The following LRRK2 variants were observed in gnomAD, a reference collection of about 807,000 sequenced individuals.
LRRK2 encodes the protein leucine-rich repeat serine/threonine-protein kinase 2.
A neutral mutation model predicts 302.6 loss-of-function variants in LRRK2; 203 were observed. That is an observed-to-expected ratio of 0.67 (90% CI 0.60 to 0.75). The LOEUF is 0.75. Ranked by LOEUF, LRRK2 falls within the 30% of genes least tolerant of loss-of-function variation. The pLI is 0.00. For missense variants in LRRK2, 2,830 were observed against 2,951.0 expected (o/e 0.96, Z 0.95); for synonymous variants, 1,066 against 1,031.9 (o/e 1.03, Z -0.63).
Position 40,295,484 on chromosome 12 carries a change from C to T in LRRK2, c.2936C>T (p.Ser979Phe), listed in dbSNP as rs1427858582. 6.2e-7 allele frequency: 1 copy of T among 1,613,800 alleles called. No individual in the cohort carries two copies. The highest frequency in any genetic ancestry group is 1.1e-5 in the South Asian group (1 of 91,088). The change falls in exon 23 of 51, where the codon TCT (serine) becomes TTT (phenylalanine). Residue 979 changes from serine (S) to phenylalanine (F), a missense_variant. By Grantham distance (155) the Ser-to-Phe change is radical. Around this residue, in one of 3 missense-constraint regions of LRRK2, gnomAD observed 2,121 missense variants for 2,148.0 expected, o/e 0.99. Transcript: ENST00000298910. ...TCAGACAGCATTTCTTCTCTGGCTTCTGAGAGAGAATATATTACATCACTA... is the reference window on the plus strand; with the variant it reads ...TCAGACAGCATTTCTTCTCTGGCTTTTGAGAGAGAATATATTACATCACTA... ...RHSDSISSLA[S>F]EREYITSLDL...
chr12:40,305,720 G>A lies in LRRK2; in HGVS notation c.3778-65G>A, dbSNP rs1002102609. ...GTGAGCCTTTCTTGTTTCTTATCAC[G>A]TTTTTTGGCAGAGCACATTTCTTCC... On this transcript the variant is annotated intron_variant, in intron 27 of 50. Coordinates refer to ENST00000298910, the MANE Select transcript of LRRK2 (RefSeq NM_198578.4). The A allele has an allele frequency of 6.3e-6, 9 of 1,420,014 alleles. No individual in the cohort carries two copies. The East Asian group carries it at 6.8e-5, about 11-fold the overall frequency. 88.0% of individuals were successfully genotyped at this position (1,420,014 alleles called of 1,614,324 possible).
intron 43 of LRRK2, among the ~76,000 whole-genome samples, chr12:40,350,567 T>A (rs1198182473): frequency 6.6e-6 from 1 of 152,232 alleles, no homozygotes; most frequent in Non-Finnish European, 1.5e-5. Flanking sequence ...ATGTGGGTTA[T>A]CTTTATGTTG....
chr12:40,311,079 T>G (rs1490966408), intron 31 of LRRK2, among the ~76,000 whole-genome samples: 1 of 152,130 alleles, frequency 6.6e-6, no homozygotes, highest in Non-Finnish European at 1.5e-5. Context: ...AATTCCTGTT[T>G]TATGGACATC....
At chr12:40,337,614 T>C (rs1292708034) in intron 40 of LRRK2, among the ~76,000 whole-genome samples, 1 of 152,162 alleles carries the variant, frequency 6.6e-6, no homozygotes, top group Non-Finnish European at 1.5e-5. Flanking sequence ...TTTTAGTCAA[T>C]TCATTTATTT....
Position 40,363,456 on chromosome 12 carries a change from T to A in LRRK2, c.7083T>A (p.Thr2361=), listed in dbSNP as rs992448451. ...DSNIITVVVD[T]ALYIAKQNSP... ...ACATCATAACAGTGGTGGTAGACAC[T>A]GCTCTCTATATTGCTAAGCAAAATA... Residue 2361 remains threonine, a synonymous_variant, in exon 48 of 51, where the codon ACT becomes ACA. Coordinates refer to ENST00000298910, the MANE Select transcript of LRRK2 (RefSeq NM_198578.4). The A allele has an allele frequency of 2.5e-6, 4 of 1,612,086 alleles. No homozygotes were observed. Among genetic ancestry groups the A allele is most frequent in the Non-Finnish European group, 3.4e-6 (4 of 1,178,792 alleles).
At chr12:40,245,828 C>T (rs1417895990) in intron 7 of LRRK2, among the ~76,000 whole-genome samples, 2 of 151,950 alleles carry the variant, frequency 1.3e-5, no homozygotes, top group African/African-American at 2.4e-5. Flanking sequence ...CTAAACTCTT[C>T]GTTAATTCTG....
rs1455616214 is a variant in LRRK2, at chr12:40,354,157, T to C, written c.6577-142T>C. ...AATTAACTCATTTATTGCTGAAAAT[T>C]AAATAAAATTGGCATTGTTTTTAAA... On this transcript the variant is annotated intron_variant, in intron 44 of 50. Transcript: ENST00000298910. 7.2e-6 allele frequency: 5 copies of C among 690,242 alleles called. No homozygotes were observed. The African/African-American group carries it at 9.0e-5, about 12-fold the overall frequency. 42.8% of individuals were successfully genotyped at this position (690,242 alleles called of 1,614,324 possible). A position where few individuals can be genotyped will look rare whatever the true frequency, so the allele number is the denominator to read the frequency against.
chr12:40,275,612 A>AT (rs754582238), intron 16 of LRRK2, among the ~76,000 whole-genome samples: 2,074 of 141,976 alleles, frequency 0.015, 41 homozygotes, highest in African/African-American at 0.042. Flanking sequence ...CTACAAAGGA[A>AT]TTTTTTTTTT....
chr12:40,293,160 C>G (rs1001582196), intron 20 of LRRK2, among the ~76,000 whole-genome samples: 15 of 152,006 alleles, frequency 9.9e-5, no homozygotes, highest in African/African-American at 3.4e-4. Flanking sequence ...AGATTGCATA[C>G]AAACTTTCTG....
intron 6 of LRRK2, among the ~76,000 whole-genome samples, chr12:40,242,804 C>CAAAAAAAAAAA (rs35987733): frequency 5.0e-5 from 1 of 20,028 alleles, no homozygotes; most frequent in Non-Finnish European, 1.1e-4. Flanking sequence ...TTCTCCACAT[C>CAAAAAAAAAAA]AAAAAAAAAA....
intron 44 of LRRK2, among the ~76,000 whole-genome samples, chr12:40,352,673 A>G (rs527347973): frequency 6.7e-6 from 1 of 148,926 alleles, no homozygotes; most frequent in African/African-American, 2.5e-5. Context: ...CTTAACGAGC[A>G]TGCTGCCTTC....
At position 40,298,778 on chromosome 12, in the gene LRRK2, A is replaced by AATAT. The variant is rs113272586; in HGVS notation, c.3347+303_3347+306dup. 6.3e-3 allele frequency among the ~76,000 whole-genome samples: 384 copies of AATAT among 60,666 alleles called. 46 individuals carry two copies. Among genetic ancestry groups the AATAT allele is most frequent in the African/African-American group, 0.017 (277 of 16,040 alleles). The allele number at this position is 60,666 out of a possible 152,430, so 39.8% of individuals were successfully genotyped here. On this transcript the variant is annotated intron_variant, in intron 24 of 50. Transcript: ENST00000298910. ...CAGAGGCGAGACTCTGTCTCAAAGA[A>AATAT]ATATATATATATATATATATAATAT... is the stretch of plus-strand genomic sequence containing the variant.
At chr12:40,235,347 C>T (rs989824408) in intron 3 of LRRK2, among the ~76,000 whole-genome samples, 2 of 152,162 alleles carry the variant, frequency 1.3e-5, no homozygotes, top group Admixed American at 6.5e-5. Context: ...TGGCATGTAC[C>T]TGTATCCCTA....
rs200769426 is a variant in LRRK2 at position 40,321,138 on chromosome 12, G to A, written c.5120G>A (p.Arg1707Lys). ...MPYFPMGFWS[R>K]LINRLLEISP... ...TATTTTCCAATGGGATTTTGGTCAA[G>A]ATTAATCAATCGATTACTTGAGATT... The change falls in exon 35 of 51, where the codon AGA becomes AAA. Residue 1707 changes from arginine (R) to lysine (K), a missense_variant. Arg to Lys is a conservative substitution (Grantham distance 26). Around this residue, in one of 3 missense-constraint regions of LRRK2, gnomAD observed 2,121 missense variants for 2,148.0 expected, o/e 0.99. Transcript: ENST00000298910. The A allele has an allele frequency of 3.7e-6, 6 of 1,612,708 alleles. No homozygotes were observed. Among genetic ancestry groups the A allele is most frequent in the Non-Finnish European group, 5.1e-6 (6 of 1,179,024 alleles).
chr12:40,321,058 A>G lies in LRRK2; in HGVS notation c.5040A>G (p.Ile1680Met). The G allele has an allele frequency of 6.2e-7, 1 of 1,612,808 alleles. No individual in the cohort carries two copies. The highest frequency in any genetic ancestry group is 8.5e-7 in the Non-Finnish European group (1 of 1,178,996). ...PSSLSDHRPV[I>M]ELPHCENSEI... ...GTTTGTCTGACCACAGGCCTGTGATAGAGCTTCCCCATTGTGAGAACTCTG... is the reference window on the plus strand; with the variant it reads ...GTTTGTCTGACCACAGGCCTGTGATGGAGCTTCCCCATTGTGAGAACTCTG... The change falls in exon 35 of 51, where the codon ATA becomes ATG. Residue 1680 changes from isoleucine (I) to methionine (M), a missense_variant. Physicochemically the swap from Ile to Met is conservative, Grantham distance 10 (BLOSUM62 1). Transcript: ENST00000298910.
Position 40,340,297 on chromosome 12 carries a change from C to A in LRRK2, c.5952C>A (p.Tyr1984Ter), listed in dbSNP as rs1946001485. The A allele has an allele frequency of 1.2e-6, 2 of 1,613,416 alleles. No homozygotes were observed. The highest frequency in any genetic ancestry group is 3.3e-5 in the Admixed American group (2 of 59,982). The change falls in exon 41 of 51, where the codon TAC (tyrosine) becomes TAA (stop). Residue 1984 changes from tyrosine (Y) to a stop codon, truncating the protein, a stop_gained. Coordinates refer to ENST00000298910, the MANE Select transcript of LRRK2 (RefSeq NM_198578.4). LOFTEE classifies it high-confidence loss of function. ...TTTCCTGTGCATTTTCTGGCAGATA[C>A]CTCCACTCAGCCATGATTATATACC... Reference protein sequence around the residue: ...IALHVADGLRYLHSAMIIYRD... With the variant: ...IALHVADGLR
In LRRK2 at chr12:40,225,242, A is replaced by G. The variant is rs1245773394; in HGVS notation, c.111A>G (p.Gln37=). Residue 37 remains glutamine, a synonymous_variant, in exon 1 of 51, where the codon CAA becomes CAG. Coordinates refer to ENST00000298910, the MANE Select transcript of LRRK2 (RefSeq NM_198578.4). ...GAAAACAGATAGAAACGCTGGTCCA[A>G]ATCCTGGAGGATCTGCTGGTGTTCA... ...QEGKQIETLV[Q]ILEDLLVFTY... 6.2e-7 allele frequency: 1 copy of G among 1,614,062 alleles called. No individual in the cohort carries two copies. Among genetic ancestry groups the G allele is most frequent in the Admixed American group, 1.7e-5 (1 of 60,010 alleles).
At chr12:40,281,711 C>G (rs1033474528) in intron 18 of LRRK2, among the ~76,000 whole-genome samples, 1 of 152,156 alleles carries the variant, frequency 6.6e-6, no homozygotes, top group African/African-American at 2.4e-5. Flanking sequence ...GATTCACTTT[C>G]TCATATATGT....
chr12:40,251,113 T>G (rs1228454646), intron 8 of LRRK2, 119 bp from the exon 9 acceptor site: 7 of 632,344 alleles, frequency 1.1e-5, no homozygotes, highest in African/African-American at 1.9e-5. Flanking sequence ...TGACCAAGGC[T>G]TCTCCTAAAG....
Sources: allele counts gnomAD v4.1 joint callset (sites outside exome capture counted in the v4.1 genomes callset), GRCh38; gene constraint gnomAD v4.1.1; regional missense constraint gnomAD v4.1.1; transcripts MANE v1.5; gene names NCBI Gene and HGNC (gene_info 2026-07-23, HGNC 2026-07-21).